HDAC4: variants seen among roughly 807,000 people sequenced by gnomAD.
HDAC4 encodes histone deacetylase 4.
HDAC4 carries 16 observed loss-of-function variants against 135.1 expected under a neutral mutation model. The observed-to-expected ratio is 0.12, with a 90% confidence interval of 0.08 to 0.18. HDAC4 has a LOEUF of 0.18. HDAC4 is among the 10% of genes least tolerant of loss of function. The pLI is 1.00. For missense variants in HDAC4, 1,143 were observed against 1,511.8 expected (o/e 0.76, Z 4.05); for synonymous variants, 685 against 653.4 (o/e 1.05, Z -0.74).
intron 2 of HDAC4, among the ~76,000 whole-genome samples, chr2:239,280,317 C>A (rs544301893): frequency 6.6e-6 from 1 of 152,182 alleles, no homozygotes; most frequent in African/African-American, 2.4e-5. Flanking sequence ...AGGCCACAAG[C>A]CCTGAAAGCA....
chr2:239,174,892 C>A (rs375545958), intron 5 of HDAC4, among the ~76,000 whole-genome samples: 2 of 152,180 alleles, frequency 1.3e-5, no homozygotes, highest in Non-Finnish European at 2.9e-5. Context: ...AAAAATCCTA[C>A]ATATTAAGGG....
intron 19 of HDAC4, among the ~76,000 whole-genome samples, chr2:239,086,464 GTCTC>G (rs1346399336): frequency 1.5e-5 from 2 of 137,360 alleles, no homozygotes; most frequent in Non-Finnish European, 3.1e-5. Context: ...GGATCTGACT[GTCTC>G]TCACGTACAA....
intron 24 of HDAC4, among the ~76,000 whole-genome samples, chr2:239,061,098 T>C (rs113332044): frequency 6.6e-6 from 1 of 152,246 alleles, no homozygotes; most frequent in Non-Finnish European, 1.5e-5. Context: ...TGCATGCAGA[T>C]AAAACATTCA....
chr2:239,144,741 G>T, intron 7 of HDAC4, 27 bp from the exon 8 acceptor site: 1 of 1,613,368 alleles, frequency 6.2e-7, no homozygotes, highest in Non-Finnish European at 8.5e-7. Context: ...TGTCATTACA[G>T]CCAGGCAGAC....
chr2:239,377,984 T>G (rs1417846367), intron 1 of HDAC4, among the ~76,000 whole-genome samples: 1 of 152,158 alleles, frequency 6.6e-6, no homozygotes, highest in Non-Finnish European at 1.5e-5. Context: ...TCAAAATGCC[T>G]GGTTTTCAAA....
chr2:239,383,310 T>C (rs1268786465), intron 1 of HDAC4, among the ~76,000 whole-genome samples: 1 of 152,166 alleles, frequency 6.6e-6, no homozygotes, highest in Non-Finnish European at 1.5e-5. Flanking sequence ...GTAAAGTGCA[T>C]AACCACTGAG....
chr2:239,074,731 C>CA, intron 22 of HDAC4, among the ~76,000 whole-genome samples: 1 of 152,212 alleles, frequency 6.6e-6, no homozygotes, highest in Non-Finnish European at 1.5e-5. Context: ...TAAGAAACGT[C>CA]CCTTCTCCTC....
intron 3 of HDAC4, among the ~76,000 whole-genome samples, chr2:239,213,241 C>CT (rs1276556567): frequency 2.3e-3 from 3 of 1,296 alleles, no homozygotes; most frequent in African/African-American, 3.6e-3. Context: ...GAGGGGCGGG[C>CT]GGGGCACAGC....
At chr2:239,192,596 C>T (rs1341573645) in intron 3 of HDAC4, among the ~76,000 whole-genome samples, 8 of 152,102 alleles carry the variant, frequency 5.3e-5, no homozygotes, top group Admixed American at 2.6e-4. Context: ...CTGGGGGCTA[C>T]GGGTCCGGCT....
intron 1 of HDAC4, among the ~76,000 whole-genome samples, chr2:239,360,862 C>T (rs1693820107): frequency 1.3e-5 from 2 of 152,184 alleles, no homozygotes; most frequent in Non-Finnish European, 2.9e-5. Flanking sequence ...TGGAGTTCAT[C>T]GGCATCCCTG....
At chr2:239,176,645 G>C (rs1346400253) in intron 4 of HDAC4, 82 bp from the exon 5 acceptor site, 1 of 1,341,950 alleles carries the variant, frequency 7.5e-7, no homozygotes, top group African/African-American at 1.4e-5. Flanking sequence ...CAAGAAACCA[G>C]CCCAGGCCCT....
intron 1 of HDAC4, among the ~76,000 whole-genome samples, chr2:239,390,889 C>T (rs1484398259): frequency 6.6e-6 from 1 of 152,218 alleles, no homozygotes; most frequent in Admixed American, 6.5e-5. Flanking sequence ...TCATGCAAAT[C>T]AGAAGCAGTG....
chr2:239,287,275 C>A (rs923647759), intron 2 of HDAC4, among the ~76,000 whole-genome samples: 2 of 152,194 alleles, frequency 1.3e-5, no homozygotes, highest in African/African-American at 4.8e-5. Flanking sequence ...CCTTCGGCTG[C>A]GACGGTTTCT....
intron 16 of HDAC4, among the ~76,000 whole-genome samples, chr2:239,096,654 C>T (rs1348473548): frequency 2.6e-5 from 2 of 78,410 alleles, no homozygotes; most frequent in Non-Finnish European, 5.2e-5. Flanking sequence ...GCATCCCCCA[C>T]TGATGCCCAC....
chr2:239,344,585 G>A (rs950451990), intron 2 of HDAC4, among the ~76,000 whole-genome samples: 1 of 152,068 alleles, frequency 6.6e-6, no homozygotes, highest in African/African-American at 2.4e-5. Context: ...ATGATTTCCA[G>A]AACAAACCTT....
At chr2:239,197,744 T>A (rs2045485707) in intron 3 of HDAC4, among the ~76,000 whole-genome samples, 1 of 152,182 alleles carries the variant, frequency 6.6e-6, no homozygotes, top group Non-Finnish European at 1.5e-5. Flanking sequence ...CAGAGGACAA[T>A]GGACCCTGGA....
chr2:239,094,257 C>G (rs1268346723), intron 17 of HDAC4: 2 of 985,332 alleles, frequency 2.0e-6, no homozygotes, highest in Non-Finnish European at 2.4e-6. Flanking sequence ...CCTGCCCAGG[C>G]TGCATCAAGG....
intron 1 of HDAC4, among the ~76,000 whole-genome samples, chr2:239,388,483 C>A (rs1469308373): frequency 6.6e-6 from 1 of 152,258 alleles, no homozygotes. Context: ...GATGAGCCAA[C>A]ATGGCTCAAC....
At chr2:239,283,648 T>C (rs1432505980) in intron 2 of HDAC4, among the ~76,000 whole-genome samples, 1 of 152,196 alleles carries the variant, frequency 6.6e-6, no homozygotes. Context: ...TGTGACTTAT[T>C]TAGTCGTAAG....
Sources: allele counts gnomAD v4.1 joint callset (sites outside exome capture counted in the v4.1 genomes callset), GRCh38; gene constraint gnomAD v4.1.1; transcripts MANE v1.5; gene names NCBI Gene and HGNC (gene_info 2026-07-23, HGNC 2026-07-21).